Variants in FER observed in about 807,000 individuals in gnomAD.
The protein encoded by FER is tyrosine-protein kinase Fer.
Under a neutral mutation model 111.0 loss-of-function variants are expected in FER, and 63 were observed. That is an observed-to-expected ratio of 0.57 (90% CI 0.46 to 0.70). The LOEUF (loss-of-function observed/expected upper bound fraction) is 0.70. Ranked by LOEUF, FER falls within the 30% of genes least tolerant of loss-of-function variation. FER has a pLI of 0.00. For missense variants in FER, 914 were observed against 954.0 expected, an observed-to-expected ratio of 0.96 and a Z score of 0.55; for synonymous variants, 327 against 313.9, an observed-to-expected ratio of 1.04 and a Z score of -0.44.
At chr5:108,996,039 T>A (rs1275520841) in intron 13 of FER, among the ~76,000 whole-genome samples, 1 of 152,258 alleles carries the variant, frequency 6.6e-6, no homozygotes, top group East Asian at 1.9e-4. Context: ...TTTCTTCGTA[T>A]GTTTGTTGGC....
At chr5:109,047,013 A>G in intron 15 of FER, 91 bp from the exon 16 acceptor site, 1 of 621,856 alleles carries the variant, frequency 1.6e-6, no homozygotes, top group East Asian at 3.1e-5. Flanking sequence ...TTATGATTCA[A>G]GAGTATTCTA....
intron 13 of FER, among the ~76,000 whole-genome samples, chr5:108,987,243 C>T (rs527390136): frequency 1.1e-4 from 17 of 152,150 alleles, no homozygotes; most frequent in African/African-American, 3.4e-4. Flanking sequence ...GTCAGGATTT[C>T]GAGACCAGCC....
At chr5:109,161,956 G>A (rs1201844248) in intron 17 of FER, among the ~76,000 whole-genome samples, 2 of 151,974 alleles carry the variant, frequency 1.3e-5, no homozygotes, top group South Asian at 2.1e-4. Context: ...TAGCCATTCC[G>A]ACTGGTGTGA....
intron 2 of FER, among the ~76,000 whole-genome samples, chr5:108,794,985 T>C (rs1474025388): frequency 6.6e-6 from 1 of 152,242 alleles, no homozygotes; most frequent in Non-Finnish European, 1.5e-5. Flanking sequence ...TACCCCTATC[T>C]CTTTCTGTAC....
intron 17 of FER, among the ~76,000 whole-genome samples, chr5:109,147,798 TATAGAGAGAGAGAG>T (rs1217851998): frequency 5.1e-5 from 6 of 116,634 alleles, no homozygotes; most frequent in African/African-American, 2.0e-4. Flanking sequence ...TATATATATA[TATAGAGAGAGAGAG>T]AGAGAGAGAG....
At chr5:109,058,724 C>CTTTTTTTTTTTTTTTTTTTTTTTTTTT (rs746184286) in intron 16 of FER, among the ~76,000 whole-genome samples, 43 of 76,248 alleles carry the variant, frequency 5.6e-4, no homozygotes, top group African/African-American at 6.4e-4. Flanking sequence ...TTCTTTCTTT[C>CTTTTTTTTTTTTTTTTTTTTTTTTTTT]TTTTTTTTTT....
chr5:108,761,866 A>G (rs1304580205), intron 1 of FER, among the ~76,000 whole-genome samples: 1 of 152,130 alleles, frequency 6.6e-6, no homozygotes, highest in African/African-American at 2.4e-5. Flanking sequence ...TCAGTCCCAC[A>G]TTTTAGAAGT....
intron 3 of FER, among the ~76,000 whole-genome samples, chr5:108,826,506 A>G (rs749461647): frequency 2.0e-4 from 30 of 151,952 alleles, no homozygotes; most frequent in Non-Finnish European, 4.4e-4. Context: ...TCTCGCCTCA[A>G]CCTCCCAAAG....
chr5:108,920,061 T>C (rs1368692846), intron 10 of FER, among the ~76,000 whole-genome samples: 2 of 152,088 alleles, frequency 1.3e-5, no homozygotes, highest in East Asian at 1.9e-4. Flanking sequence ...GAGACTACAG[T>C]CCCCTTATTA....
chr5:108,780,120 T>C (rs576569530), intron 2 of FER, among the ~76,000 whole-genome samples: 1 of 152,214 alleles, frequency 6.6e-6, no homozygotes, highest in Non-Finnish European at 1.5e-5. Flanking sequence ...CAGATGCTTA[T>C]GTGTTAGATC....
chr5:108,853,854 C>G (rs1483397402), intron 5 of FER, among the ~76,000 whole-genome samples: 1 of 152,140 alleles, frequency 6.6e-6, no homozygotes, highest in Non-Finnish European at 1.5e-5. Flanking sequence ...AATGAACTTA[C>G]ATTTTAACAG....
At chr5:108,920,512 A>G (rs554199966) in intron 10 of FER, among the ~76,000 whole-genome samples, 1 of 142,892 alleles carries the variant, frequency 7.0e-6, no homozygotes, top group South Asian at 2.1e-4. Flanking sequence ...CCATTCCCAC[A>G]GTCTTCTTAG....
chr5:109,134,703 C>A (rs1055450913), intron 17 of FER, among the ~76,000 whole-genome samples: 1 of 152,150 alleles, frequency 6.6e-6, no homozygotes, highest in Admixed American at 6.6e-5. Flanking sequence ...GATATATAGT[C>A]TCTCTCCTGG....
At chr5:109,004,289 C>T (rs935205517) in intron 13 of FER, among the ~76,000 whole-genome samples, 62 of 152,174 alleles carry the variant, frequency 4.1e-4, no homozygotes, top group African/African-American at 1.4e-3. Flanking sequence ...ATATTGCATA[C>T]ATCAGAGATA....
intron 5 of FER, among the ~76,000 whole-genome samples, chr5:108,862,757 T>A (rs1400154116): frequency 6.6e-6 from 1 of 152,116 alleles, no homozygotes. Context: ...TAATTGTACC[T>A]GACCTTTTGA....
At chr5:108,866,348 C>G (rs1390662890) in intron 5 of FER, among the ~76,000 whole-genome samples, 1 of 152,142 alleles carries the variant, frequency 6.6e-6, no homozygotes, top group Non-Finnish European at 1.5e-5. Context: ...AAAAACTAAA[C>G]ACCGCGTGTT....
chr5:109,058,884 C>G (rs942523640), intron 16 of FER, among the ~76,000 whole-genome samples: 3 of 151,690 alleles, frequency 2.0e-5, no homozygotes, highest in Non-Finnish European at 2.9e-5. Flanking sequence ...AGGAGCCCAC[C>G]ACCATGCCCG....
intron 5 of FER, among the ~76,000 whole-genome samples, chr5:108,850,509 T>G (rs1343084890): frequency 6.6e-6 from 1 of 152,214 alleles, no homozygotes; most frequent in Non-Finnish European, 1.5e-5. Flanking sequence ...GTGCTTGATT[T>G]GTCTTTTGAT....
At chr5:109,112,810 G>A (rs1447173808) in intron 17 of FER, among the ~76,000 whole-genome samples, 1 of 152,090 alleles carries the variant, frequency 6.6e-6, no homozygotes, top group Non-Finnish European at 1.5e-5. Context: ...GTCTAATGCA[G>A]AAGGGTCACT....
Sources: allele counts gnomAD v4.1 joint callset (sites outside exome capture counted in the v4.1 genomes callset), GRCh38; gene constraint gnomAD v4.1.1; transcripts MANE v1.5; gene names NCBI Gene and HGNC (gene_info 2026-07-23, HGNC 2026-07-21).